The following AFF3 variants were observed in gnomAD, a reference collection of about 807,000 sequenced individuals.
AFF3 encodes ALF transcription elongation factor 3.
Under a neutral mutation model 129.7 loss-of-function variants are expected in AFF3, and 32 were observed. The ratio of observed to expected loss-of-function variants is 0.25; its 90% CI spans 0.19 to 0.33. The LOEUF (loss-of-function observed/expected upper bound fraction) is 0.33, where lower values mean the gene tolerates loss of function less well. Among genes scored for constraint, AFF3 ranks in the 10% least tolerant of loss-of-function variants. The probability of loss-of-function intolerance (pLI) is 1.00; values close to 1 mark genes in which losing one functional copy is unlikely to be tolerated. For synonymous variants in AFF3, 644 were observed against 635.4 expected (o/e 1.01, Z -0.20); for missense variants, 1,373 against 1,592.0 (o/e 0.86, Z 2.34).
In AFF3 at chr2:100,132,091, T is replaced by G. The variant is rs185139585; in HGVS notation, c.-227-2785A>C. Among the ~76,000 whole-genome samples the G allele has an allele frequency of 3.5e-4, 54 of 152,310 alleles. 4 individuals are homozygous for G. The East Asian group carries it at 6.0e-3, about 17-fold the overall frequency. On this transcript the variant is annotated intron_variant, in intron 1 of 24. Transcript: ENST00000672756. ...TTGGTTCCCCATCTAAACCCACAGG[T>G]TGTACCTAGGATTCTGCTGTTGAAA...
At chr2:99,634,073 C>A (rs1444210427) in intron 13 of AFF3, among the ~76,000 whole-genome samples, 1 of 152,050 alleles carries the variant, frequency 6.6e-6, no homozygotes, top group African/African-American at 2.4e-5. Flanking sequence ...TGCCACCATG[C>A]CCAGCTAATT....
intron 7 of AFF3, among the ~76,000 whole-genome samples, chr2:100,003,890 T>A (rs963240273): frequency 6.6e-6 from 1 of 151,966 alleles, no homozygotes; most frequent in Admixed American, 6.6e-5. Context: ...GGACTGTAAA[T>A]GAGAGAAACT....
At chr2:99,931,435 G>A (rs963093005) in intron 7 of AFF3, among the ~76,000 whole-genome samples, 16 of 152,312 alleles carry the variant, frequency 1.1e-4, no homozygotes, top group African/African-American at 3.4e-4. Flanking sequence ...ATTATTGATC[G>A]ATATGGCTAG....
intron 13 of AFF3, among the ~76,000 whole-genome samples, chr2:99,648,917 A>ACTCTCTCTCTCTCTCTCT (rs769906171): frequency 1.9e-4 from 9 of 46,926 alleles, no homozygotes; most frequent in African/African-American, 4.5e-4. Flanking sequence ...ACACACACAC[A>ACTCTCTCTCTCTCTCTCT]CTCTCTCTCT....
intron 4 of AFF3, among the ~76,000 whole-genome samples, chr2:100,064,675 G>A (rs1687577301): frequency 6.6e-6 from 1 of 152,092 alleles, no homozygotes; most frequent in African/African-American, 2.4e-5. Context: ...CTTTCCCAGG[G>A]TCAAAAACCA....
intron 1 of AFF3, among the ~76,000 whole-genome samples, chr2:100,138,755 GC>G (rs1399487651): frequency 6.6e-6 from 1 of 151,944 alleles, no homozygotes; most frequent in Non-Finnish European, 1.5e-5. Flanking sequence ...GACAAGCCTG[GC>G]CAATATGGTG....
chr2:99,652,067 G>A (rs1685307537), intron 12 of AFF3, among the ~76,000 whole-genome samples: 1 of 152,132 alleles, frequency 6.6e-6, no homozygotes, highest in Non-Finnish European at 1.5e-5. Flanking sequence ...CTCCTCAAAT[G>A]GTGCCTGGAA....
At chr2:100,106,622 C>G (rs1691313701) in intron 2 of AFF3, 15 of 987,976 alleles carry the variant, frequency 1.5e-5, no homozygotes, top group Non-Finnish European at 1.8e-5. Context: ...AGTTCTGAGG[C>G]CTGAACAAGA....
chr2:99,750,229 A>G (rs17436026), intron 9 of AFF3, among the ~76,000 whole-genome samples: 3,508 of 152,252 alleles, frequency 0.023, 56 homozygotes, highest in Non-Finnish European at 0.03. Flanking sequence ...AAAAAGTGGT[A>G]ATGGGTAATG....
At chr2:99,813,615 A>G (rs1291966857) in intron 8 of AFF3, among the ~76,000 whole-genome samples, 1 of 152,226 alleles carries the variant, frequency 6.6e-6, no homozygotes, top group Non-Finnish European at 1.5e-5. Context: ...GCAAATAAAA[A>G]ATATGAAAAA....
In AFF3 at chr2:100,008,912, T is replaced by C. The variant is rs756046095; in HGVS notation, c.74A>G (p.Asn25Ser). Reference sequence around the variant, plus strand: ...TTCTCGTTCTTTCCTCCGTAATGCATTTCTATCTGGTTCATAGACACTGCA... The same window carrying C: ...TTCTCGTTCTTTCCTCCGTAATGCACTTCTATCTGGTTCATAGACACTGCA... ...ESLCVYEPDR[N>S]ALRRKERERR... The change falls in exon 5 of 25, where the codon AAT (asparagine) becomes AGT (serine). Residue 25 changes from asparagine to serine, a missense_variant. Asn to Ser is a conservative substitution (Grantham distance 46). Coordinates refer to ENST00000672756, the MANE Select transcript of AFF3 (RefSeq NM_001386135.1). The C allele has an allele frequency of 5.6e-6, 9 of 1,613,922 alleles. No homozygotes were observed. The highest frequency in any genetic ancestry group is 1.1e-5 in the South Asian group (1 of 91,010).
intron 4 of AFF3, among the ~76,000 whole-genome samples, chr2:100,050,162 C>T (rs779498430): frequency 1.3e-5 from 2 of 151,570 alleles, no homozygotes; most frequent in Admixed American, 6.6e-5. Flanking sequence ...CACACCACTG[C>T]ACTCCAGCCT....
intron 7 of AFF3, among the ~76,000 whole-genome samples, chr2:99,977,027 C>T (rs1165531535): frequency 6.6e-6 from 1 of 152,134 alleles, no homozygotes; most frequent in Non-Finnish European, 1.5e-5. Context: ...TGAGCTTGCT[C>T]TAAAGTTAAA....
chr2:100,138,086 C>T (rs891826479), intron 1 of AFF3, among the ~76,000 whole-genome samples: 7 of 152,182 alleles, frequency 4.6e-5, no homozygotes, highest in African/African-American at 1.2e-4. Context: ...CAGAGCTCAC[C>T]GTGCAATGAC....
intron 8 of AFF3, among the ~76,000 whole-genome samples, chr2:99,757,872 A>G (rs1230576461): frequency 6.6e-6 from 1 of 152,074 alleles, no homozygotes; most frequent in African/African-American, 2.4e-5. Context: ...CGTTGACTCA[A>G]CCTTCCTTTG....
intron 10 of AFF3, among the ~76,000 whole-genome samples, chr2:99,729,244 A>G (rs561466142): frequency 2.0e-5 from 3 of 152,302 alleles, no homozygotes; most frequent in South Asian, 4.1e-4. Context: ...ATAAAAACGA[A>G]GGCATTGTTT....
At chr2:100,029,320 C>T (rs1442989295) in intron 4 of AFF3, among the ~76,000 whole-genome samples, 1 of 152,126 alleles carries the variant, frequency 6.6e-6, no homozygotes, top group African/African-American at 2.4e-5. Flanking sequence ...GATGCTTGGG[C>T]AGAGGAGAAA....
rs762465567 is a variant in AFF3, at chr2:99,744,165, A to C, written c.1003-25T>G. 7.6e-5 allele frequency: 121 copies of C among 1,597,410 alleles called. No homozygotes were observed. In the South Asian group the frequency reaches 1.2e-3, roughly 15 times the overall value. ...CCTGAAAGAACAAGAAATATCAATT[A>C]ATTTTCTTATTTTGACTTTCAAAAT... On this transcript the variant is annotated intron_variant, in intron 9 of 24. Coordinates refer to ENST00000672756, the MANE Select transcript of AFF3 (RefSeq NM_001386135.1).
intron 8 of AFF3, among the ~76,000 whole-genome samples, chr2:99,758,459 G>A (rs187553616): frequency 1.3e-4 from 19 of 151,906 alleles, no homozygotes; most frequent in Admixed American, 4.6e-4. Context: ...GATGGCGCGC[G>A]CCTGTAATCA....
Sources: gnomAD v4.1 joint callset for allele counts (sites outside exome capture counted in the v4.1 genomes callset) on GRCh38, gnomAD v4.1.1 for gene constraint, MANE v1.5 for transcripts, NCBI Gene and HGNC (gene_info 2026-07-23, HGNC 2026-07-21) for gene names.